FGFR2: variants seen among roughly 807,000 people sequenced by gnomAD.
FGFR2 encodes the protein fibroblast growth factor receptor 2.
Under a neutral mutation model 95.9 loss-of-function variants are expected in FGFR2, and 19 were observed. That is an observed-to-expected ratio of 0.20 (90% CI 0.14 to 0.29). The LOEUF is 0.29. Among genes scored for constraint, FGFR2 ranks in the 10% least tolerant of loss-of-function variants. The pLI, the probability that FGFR2 is intolerant of heterozygous loss-of-function variation, is 1.00. For synonymous variants in FGFR2, 392 were observed against 393.3 expected, an observed-to-expected ratio of 1.00 and a Z score of 0.04; for missense variants, 707 against 1,056.9, an observed-to-expected ratio of 0.67 and a Z score of 4.59.
rs41295635 is a variant in FGFR2 at position 121,500,102 on chromosome 10, G to A, written c.1561+724C>T. On this transcript the variant is annotated intron_variant, in intron 11 of 17. Coordinates refer to ENST00000358487, the MANE Select transcript of FGFR2 (RefSeq NM_000141.5). ...AGATCCCTACAAGAGGATTTATAAT[G>A]TGACAGTTCCCTATAACTCTTCTCA... is the stretch of plus-strand genomic sequence containing the variant. Among the ~76,000 whole-genome samples, 906 of 152,324 alleles carry A rather than the reference G, an allele frequency of 5.9e-3. 6 individuals are homozygous for A. The highest frequency in any genetic ancestry group is 0.019 in the African/African-American group (799 of 41,576).
chr10:121,495,564 G>A (rs1358266079), intron 13 of FGFR2, among the ~76,000 whole-genome samples: 1 of 152,130 alleles, frequency 6.6e-6, no homozygotes, highest in African/African-American at 2.4e-5. Flanking sequence ...TTCCTATGTG[G>A]CCAGAGAGTA....
Position 121,479,589 on chromosome 10 carries a change from C to T in FGFR2, c.*268G>A. On this transcript the variant is annotated 3_prime_UTR_variant, in exon 18 of 18. Coordinates refer to ENST00000358487, the MANE Select transcript of FGFR2 (RefSeq NM_000141.5). Reference sequence around the variant, plus strand: ...CACGTCCACCTTGAGTCCTACTGGTCCACAGCCAGTACGCACGGCAGGTGA... The same window carrying T: ...CACGTCCACCTTGAGTCCTACTGGTTCACAGCCAGTACGCACGGCAGGTGA... 5 of 1,550,746 alleles carry T rather than the reference C, an allele frequency of 3.2e-6. No individual in the cohort carries two copies. Among genetic ancestry groups the T allele is most frequent in the South Asian group, 2.4e-5 (2 of 83,896 alleles).
chr10:121,488,624 C>T (rs552243050), intron 13 of FGFR2, among the ~76,000 whole-genome samples: 1 of 151,874 alleles, frequency 6.6e-6, no homozygotes, highest in East Asian at 1.9e-4. Context: ...CTGGGATCAT[C>T]GGAGAGCCTG....
intron 4 of FGFR2, among the ~76,000 whole-genome samples, chr10:121,558,055 T>C (rs558903650): frequency 6.6e-6 from 1 of 152,312 alleles, no homozygotes; most frequent in East Asian, 1.9e-4. Context: ...AGTTAAGCAA[T>C]GGACCTGAAC....
Position 121,551,380 on chromosome 10 carries a change from G to A in FGFR2, c.534C>T (p.Arg178=), listed in dbSNP as rs1205844823. 2 of 1,614,194 alleles carry A rather than the reference G, an allele frequency of 1.2e-6. No individual in the cohort carries two copies. Among genetic ancestry groups the A allele is most frequent in the Non-Finnish European group, 1.7e-6 (2 of 1,180,032 alleles). The change falls in exon 5 of 18, where the codon CGC becomes CGT. Residue 178 remains arginine (R), a synonymous_variant. Transcript: ENST00000358487. ...AVPAANTVKF[R]CPAGGNPMPT... is the part of the protein sequence containing the mutation. ...GCATTGGGTTCCCCCCGGCTGGGCA[G>A]CGAAACTTGACAGTGTTGGCCGCAG...
At chr10:121,490,154 C>CTTTTTTT (rs55633189) in intron 13 of FGFR2, among the ~76,000 whole-genome samples, 1 of 79,994 alleles carries the variant, frequency 1.3e-5, no homozygotes, top group Non-Finnish European at 2.2e-5. Context: ...ACTTTTCCTT[C>CTTTTTTT]TTTTTTTTTT....
At chr10:121,578,249 T>C (rs575679271) in intron 2 of FGFR2, among the ~76,000 whole-genome samples, 1 of 152,064 alleles carries the variant, frequency 6.6e-6, no homozygotes, top group Admixed American at 6.5e-5. Context: ...CATGGCGCAT[T>C]GAGGCTTGGT....
rs1429693622 is a variant in FGFR2, at chr10:121,500,871, C to A, written c.1516G>T (p.Asp506Tyr). 6 of 1,614,106 alleles carry A rather than the reference C, an allele frequency of 3.7e-6. No individual in the cohort carries two copies. The East Asian group carries it at 6.7e-5, about 18-fold the overall frequency. ...ACGGTGACCGCCTCCTTGGGCTTGT[C>A]TTTGTCAATTCCCACTGCTTCCGCC... The part of the protein sequence containing the change: ...VMAEAVGIDK[D>Y]KPKEAVTVAV... The change falls in exon 11 of 18, where the codon GAC becomes TAC. Residue 506 changes from aspartate to tyrosine, a missense_variant. Transcript: ENST00000358487.
chr10:121,580,643 C>T (rs1449048040), intron 2 of FGFR2, among the ~76,000 whole-genome samples: 1 of 152,220 alleles, frequency 6.6e-6, no homozygotes, highest in East Asian at 1.9e-4. Context: ...CAGGTCGGAG[C>T]CACAGGGATC....
At chr10:121,513,014 C>T (rs1849256695) in intron 9 of FGFR2, among the ~76,000 whole-genome samples, 1 of 152,112 alleles carries the variant, frequency 6.6e-6, no homozygotes, top group African/African-American at 2.4e-5. Flanking sequence ...GGACTACAGG[C>T]ATGCACCACC....
chr10:121,567,551 C>T (rs994726407), intron 2 of FGFR2, among the ~76,000 whole-genome samples: 3 of 152,230 alleles, frequency 2.0e-5, no homozygotes, highest in East Asian at 1.9e-4. Context: ...ACTTGTGGAG[C>T]GTCCATTATG....
At chr10:121,511,187 A>C (rs1849014785) in intron 9 of FGFR2, among the ~76,000 whole-genome samples, 1 of 152,106 alleles carries the variant, frequency 6.6e-6, no homozygotes, top group South Asian at 2.1e-4. Flanking sequence ...AAACAAAAAA[A>C]AAACCACCCT....
intron 5 of FGFR2, among the ~76,000 whole-genome samples, chr10:121,540,299 C>T (rs930675261): frequency 8.5e-5 from 13 of 152,058 alleles, no homozygotes; most frequent in Admixed American, 5.2e-4. Flanking sequence ...GGCATCTGAT[C>T]GACAGTGGAG....
rs1305156211 is a variant in FGFR2 at position 121,503,782 on chromosome 10, G to A, written c.1439+8C>T. ...CCATCCTGGGACATGGCCAAGAGAAGTACTCACTTATCTCTTGGAAACTCC... is the reference window on the plus strand; with the variant it reads ...CCATCCTGGGACATGGCCAAGAGAAATACTCACTTATCTCTTGGAAACTCC... On this transcript the variant is annotated splice_region_variant and intron_variant, in intron 10 of 17. Transcript: ENST00000358487. 2 of 1,613,774 alleles carry A rather than the reference G, an allele frequency of 1.2e-6. No homozygotes were observed. The highest frequency in any genetic ancestry group is 1.3e-5 in the African/African-American group (1 of 74,900).
At chr10:121,548,266 T>C (rs1854846800) in intron 5 of FGFR2, among the ~76,000 whole-genome samples, 1 of 136,404 alleles carries the variant, frequency 7.3e-6, no homozygotes, top group Non-Finnish European at 1.5e-5. Flanking sequence ...TTTTTTTTTT[T>C]TTTTTTTTTT....
intron 13 of FGFR2, 67 bp from the exon 14 acceptor site, chr10:121,488,180 T>C (rs2133841953): frequency 5.6e-6 from 9 of 1,593,166 alleles, no homozygotes; most frequent in Non-Finnish European, 7.7e-6. Context: ...AAAGGAAATA[T>C]GTTCATTTCT....
At chr10:121,528,154 C>A (rs963731170) in intron 6 of FGFR2, among the ~76,000 whole-genome samples, 1 of 152,146 alleles carries the variant, frequency 6.6e-6, no homozygotes, top group Non-Finnish European at 1.5e-5. Context: ...AAGACAGCAA[C>A]CACTCCAAGT....
chr10:121,588,786 A>T (rs192608199), intron 2 of FGFR2, among the ~76,000 whole-genome samples: 1 of 152,108 alleles, frequency 6.6e-6, no homozygotes, highest in East Asian at 1.9e-4. Flanking sequence ...AGTCCCAGCT[A>T]CTCAGGAGGT....
intron 5 of FGFR2, among the ~76,000 whole-genome samples, chr10:121,544,376 G>C (rs1053779716): frequency 6.6e-6 from 1 of 151,266 alleles, no homozygotes; most frequent in African/African-American, 2.4e-5. Context: ...CCTGGGAGGC[G>C]GAGGTTGCAG....
Sources: allele counts gnomAD v4.1 joint callset (sites outside exome capture counted in the v4.1 genomes callset), GRCh38; gene constraint gnomAD v4.1.1; transcripts MANE v1.5; gene names NCBI Gene and HGNC (gene_info 2026-07-23, HGNC 2026-07-21).